Variants in CELF2 observed in about 807,000 individuals in gnomAD.
The protein encoded by CELF2 is CUGBP Elav-like family member 2.
A neutral mutation model predicts 62.6 loss-of-function variants in CELF2; 8 were observed. The observed-to-expected ratio is 0.13, with a 90% CI of 0.07 to 0.23. The LOEUF is 0.23. Ranked by LOEUF, CELF2 falls within the 10% of genes least tolerant of loss-of-function variation. The pLI, the probability that CELF2 is intolerant of heterozygous loss-of-function variation, is 1.00. For synonymous variants in CELF2, 258 were observed against 250.0 expected (o/e 1.03, Z -0.30); for missense variants, 333 against 671.0 (o/e 0.50, Z 5.56).
the CELF2 span, among the ~76,000 whole-genome samples, chr10:10,540,630 T>C: frequency 1.3e-5 from 2 of 152,158 alleles, no homozygotes; most frequent in Non-Finnish European, 2.9e-5. Context: ...TTACAAGTGA[T>C]GAGTTCATCA....
At position 10,928,103 on chromosome 10, in the gene CELF2, A is replaced by AC. The variant is rs1322266081; in HGVS notation, c.89+8110dup. Among the ~76,000 whole-genome samples, 1 of 151,316 alleles carries AC rather than the reference A, an allele frequency of 6.6e-6. No homozygotes were observed. The highest frequency in any genetic ancestry group is 2.4e-5 in the African/African-American group (1 of 41,166). On this transcript the variant is annotated intron_variant, in intron 2 of 13. Coordinates refer to the CELF2 transcript ENST00000636488. The surrounding 1 kb of genome is among the most constrained non-coding windows in gnomAD (Gnocchi z 4.8). ...TCTCCTTTCACCACCCTATTAAGTAACCCCCCAACACACTTCCTATCACAT... is the reference window on the plus strand; with the variant it reads ...TCTCCTTTCACCACCCTATTAAGTAACCCCCCCAACACACTTCCTATCACAT...
rs576549710 is a variant in CELF2, at chr10:11,117,202, A to G, written c.75-48284A>G. 6.6e-6 allele frequency among the ~76,000 whole-genome samples: 1 copy of G among 152,202 alleles called. No individual in the cohort carries two copies. The highest frequency in any genetic ancestry group is 1.5e-5 in the Non-Finnish European group (1 of 68,040). On this transcript the variant is annotated intron_variant, in intron 1 of 12. Transcript: ENST00000633077. The surrounding 1 kb of genome is among the most constrained non-coding windows in gnomAD (Gnocchi z 4.1). Reference sequence around the variant, plus strand: ...TCATCCCGCTCTACTCACATCTTTTAGGCTCATTAAAGGATTTAGTTGAAT... The same window carrying G: ...TCATCCCGCTCTACTCACATCTTTTGGGCTCATTAAAGGATTTAGTTGAAT...
the CELF2 span, among the ~76,000 whole-genome samples, chr10:10,588,102 T>C: frequency 6.6e-6 from 1 of 151,910 alleles, no homozygotes; most frequent in Non-Finnish European, 1.5e-5. Context: ...GAAGCATAAA[T>C]GTTTCCACCA....
At chr10:10,904,330 G>A (rs1046632711) in intron 1 of CELF2, among the ~76,000 whole-genome samples, 5 of 151,726 alleles carry the variant, frequency 3.3e-5, no homozygotes, top group Non-Finnish European at 7.4e-5. Flanking sequence ...GGGCTCAAGC[G>A]ATCCTCCCAC....
chr10:11,201,149 T>C (rs961182330), intron 2 of CELF2, among the ~76,000 whole-genome samples: 1 of 152,246 alleles, frequency 6.6e-6, no homozygotes, highest in African/African-American at 2.4e-5. Context: ...TGTAGCTGTG[T>C]TGGGTAGTCC....
chr10:10,663,002 T>C, the CELF2 span, among the ~76,000 whole-genome samples: 2 of 152,230 alleles, frequency 1.3e-5, no homozygotes, highest in Admixed American at 1.3e-4. Context: ...GGAGCTATTG[T>C]TCCACTTCTA....
chr10:10,496,773 T>G, the CELF2 span, among the ~76,000 whole-genome samples: 1 of 152,052 alleles, frequency 6.6e-6, no homozygotes, highest in African/African-American at 2.4e-5. Flanking sequence ...TGCTTAACAC[T>G]CCTAACTACA....
At chr10:11,155,744 C>T (rs1156637347) in intron 1 of CELF2, among the ~76,000 whole-genome samples, 1 of 152,208 alleles carries the variant, frequency 6.6e-6, no homozygotes, top group African/African-American at 2.4e-5. Context: ...CTCCCATGGA[C>T]TGTCAACTTT....
intron 1 of CELF2, among the ~76,000 whole-genome samples, chr10:10,877,427 G>A (rs2061173014): frequency 6.6e-6 from 1 of 152,240 alleles, no homozygotes; most frequent in South Asian, 2.1e-4. Flanking sequence ...GAGAAGTGGG[G>A]AGAGTGCTTC....
Position 10,928,717 on chromosome 10 carries a change from G to A in CELF2, c.89+8718G>A, listed in dbSNP as rs949312925. On this transcript the variant is annotated intron_variant, in intron 2 of 13. Coordinates refer to the CELF2 transcript ENST00000636488. The surrounding 1 kb of genome is among the most constrained non-coding windows in gnomAD (Gnocchi z 4.8). ...CCCTGAAGAGATTTATGTTCCTTCT[G>A]TTGGTTCCCAAAGACCCCAGTTTTA... is the stretch of plus-strand genomic sequence containing the variant. 6.6e-6 allele frequency among the ~76,000 whole-genome samples: 1 copy of A among 152,066 alleles called. No homozygotes were observed. Among genetic ancestry groups the A allele is most frequent in the Non-Finnish European group, 1.5e-5 (1 of 68,016 alleles).
chr10:10,758,265 T>C, the CELF2 span, among the ~76,000 whole-genome samples: 1 of 152,214 alleles, frequency 6.6e-6, no homozygotes, highest in South Asian at 2.1e-4. Flanking sequence ...CACAAATGCA[T>C]CCAGCTATTC....
chr10:10,820,638 G>A (rs563273172), intron 1 of CELF2, among the ~76,000 whole-genome samples: 1 of 152,124 alleles, frequency 6.6e-6, no homozygotes, highest in African/African-American at 2.4e-5. Context: ...AGTGTTGTGA[G>A]GGTGACACAC....
Position 11,210,418 on chromosome 10 carries a change from G to T in CELF2, c.272-7007G>T, listed in dbSNP as rs138784973. 2.0e-5 allele frequency among the ~76,000 whole-genome samples: 3 copies of T among 152,102 alleles called. No individual in the cohort carries two copies. In the South Asian group the frequency reaches 6.2e-4, roughly 32 times the overall value. On this transcript the variant is annotated intron_variant, in intron 2 of 12. Transcript: ENST00000633077. ...TCTCATGCCCAACCCCATAAGCTCC[G>T]AAACGGAAATACTTTTTATTTGACC...
upstream of CELF2, among the ~76,000 whole-genome samples, chr10:11,014,306 C>G (rs1200361823): frequency 6.6e-6 from 1 of 152,132 alleles, no homozygotes; most frequent in African/African-American, 2.4e-5. Context: ...GGGCTGATAG[C>G]TACTGCCTTT....
In CELF2 at chr10:11,196,998, G is replaced by GAGA. The variant is rs1352536251; in HGVS notation, c.272-20426_272-20425insGAA. 2.2e-3 allele frequency among the ~76,000 whole-genome samples: 92 copies of GAGA among 42,394 alleles called. 14 individuals are homozygous for GAGA. Among genetic ancestry groups the GAGA allele is most frequent in the South Asian group, 0.012 (10 of 840 alleles). The allele number at this position is 42,394 out of a possible 152,430, so 27.8% of individuals were successfully genotyped here. A position where few individuals can be genotyped will look rare whatever the true frequency, so the allele number is the denominator to read the frequency against. On this transcript the variant is annotated intron_variant, in intron 2 of 12. Transcript: ENST00000633077. ...GAAAGAGAGAAAGAAAGAAAGGAAG[G>GAGA]AAGGAGAAAGAAAGAAAGAAAGAAA...
At chr10:11,020,937 G>A (rs2058215015) in intron 1 of CELF2, among the ~76,000 whole-genome samples, 1 of 152,046 alleles carries the variant, frequency 6.6e-6, no homozygotes, top group African/African-American at 2.4e-5. Context: ...AAATAATCTT[G>A]GCTATTAAAG....
chr10:10,946,324 T>G (rs1439097001), intron 2 of CELF2: 1 of 152,356 alleles, frequency 6.6e-6, no homozygotes, highest in East Asian at 1.9e-4. Context: ...GGAATGCACG[T>G]GATACTCATT....
chr10:10,778,359 C>T, the CELF2 span, among the ~76,000 whole-genome samples: 1 of 152,220 alleles, frequency 6.6e-6, no homozygotes, highest in Admixed American at 6.5e-5. Flanking sequence ...CAGAGTCCTA[C>T]ATCCAGTGAC....
At chr10:11,001,672 G>A (rs894999011), upstream of CELF2, among the ~76,000 whole-genome samples, 2 of 152,048 alleles carry the variant, frequency 1.3e-5, no homozygotes, top group African/African-American at 4.8e-5. Flanking sequence ...TCTTCATCAA[G>A]TTTGCATTAT....
Sources: allele counts gnomAD v4.1 joint callset (sites outside exome capture counted in the v4.1 genomes callset), GRCh38; gene constraint gnomAD v4.1.1; non-coding constraint Gnocchi (gnomAD v3.1); transcripts MANE v1.5; gene names NCBI Gene and HGNC (gene_info 2026-07-23, HGNC 2026-07-21).